SLFN12L: variants seen among roughly 807,000 people sequenced by gnomAD.
SLFN12L encodes schlafen family member 12 like, also known as schlafen family member 12-like.
A neutral mutation model predicts 34.8 loss-of-function variants in SLFN12L; 34 were observed. That is an observed-to-expected ratio of 0.98 (90% CI 0.74 to 1.30). The LOEUF (loss-of-function observed/expected upper bound fraction) is 1.30. Ranked by LOEUF, SLFN12L falls within the 50% of genes most tolerant of loss-of-function variation. The pLI is 0.00. For missense variants in SLFN12L, 703 were observed against 696.2 expected, an observed-to-expected ratio of 1.01 and a Z score of -0.11; for synonymous variants, 259 against 247.5, an observed-to-expected ratio of 1.05 and a Z score of -0.44.
chr17:35,523,508 T>C (rs59274713), intron 1 of SLFN12L, among the ~76,000 whole-genome samples: 1,604 of 152,274 alleles, frequency 0.011, 35 homozygotes, highest in African/African-American at 0.036. Context: ...TGAAGCTATC[T>C]CTCCTGAAGC....
chr17:35,522,283 T>C lies in SLFN12L; in HGVS notation c.82A>G (p.Ile28Val), dbSNP rs769682679. 53 of 1,614,026 alleles carry C rather than the reference T, an allele frequency of 3.3e-5. 1 individual carries two copies. In the Admixed American group the frequency reaches 8.8e-4, roughly 27 times the overall value. The change falls in exon 2 of 5, where the codon ATC becomes GTC. Residue 28 changes from isoleucine (I) to valine (V), a missense_variant. Transcript: ENST00000628453. ...ACATAAGGTCCAACTGCTTACCTGA[T>C]GAAATTCCTCAGAAACTGACTTTCA... ...ICESQFLRNF[I>V]RKEFLRGNGL...
rs1260194247 is a variant in SLFN12L, at chr17:35,465,931, A to G, written c.*8992T>C. ...ACACAATATACCTCTTGCAGGCTAC[A>G]CCTCAGTACCTTCACAATTTTGCCA... On this transcript the variant is annotated 3_prime_UTR_variant, in exon 5 of 5. Transcript: ENST00000628453. 6.6e-6 allele frequency among the ~76,000 whole-genome samples: 1 copy of G among 151,856 alleles called. No individual in the cohort carries two copies. The highest frequency in any genetic ancestry group is 2.4e-5 in the African/African-American group (1 of 41,314).
At chr17:35,498,898 T>A (rs1915193053) in intron 2 of SLFN12L, 3 of 694,584 alleles carry the variant, frequency 4.3e-6, no homozygotes. Flanking sequence ...GCCCCTGATA[T>A]GCCCAGCCCT....
In SLFN12L at chr17:35,474,208, G is replaced by T. The variant is rs551169397; in HGVS notation, c.*715C>A. On this transcript the variant is annotated 3_prime_UTR_variant, in exon 5 of 5. Coordinates refer to ENST00000628453, the MANE Select transcript of SLFN12L (RefSeq NM_001363830.2). ...ATTTTGATTCATCTCTTCATTGGCT[G>T]CATTTCATTGCAATATAGTTTTCAA... 1 of 152,190 alleles carries T rather than the reference G, an allele frequency of 6.6e-6. No homozygotes were observed. The highest frequency in any genetic ancestry group is 1.5e-5 in the Non-Finnish European group (1 of 68,040). 9.4% of individuals were successfully genotyped at this position (152,190 alleles called of 1,614,324 possible).
intron 2 of SLFN12L, chr17:35,489,955 T>C: frequency 5.7e-6 from 8 of 1,407,190 alleles, no homozygotes; most frequent in Non-Finnish European, 6.9e-6. Flanking sequence ...CAACCAGTCA[T>C]GATTTTTAAA....
chr17:35,482,863 G>C (rs1289835120), intron 2 of SLFN12L, among the ~76,000 whole-genome samples: 1 of 152,162 alleles, frequency 6.6e-6, no homozygotes, highest in East Asian at 1.9e-4. Context: ...GTGGGGACTT[G>C]TGGTGCCTCT....
Position 35,474,754 on chromosome 17 carries a change from T to A in SLFN12L, c.*169A>T. 1 of 526,492 alleles carries A rather than the reference T, an allele frequency of 1.9e-6. No homozygotes were observed. Among genetic ancestry groups the A allele is most frequent in the Non-Finnish European group, 3.1e-6 (1 of 321,432 alleles). 32.6% of individuals were successfully genotyped at this position (526,492 alleles called of 1,614,324 possible). A position where few individuals can be genotyped will look rare whatever the true frequency, so the allele number is the denominator to read the frequency against. On this transcript the variant is annotated 3_prime_UTR_variant, in exon 5 of 5. Transcript: ENST00000628453. ...GCCTGGCCAAGACGGTGAAACCCCA[T>A]CTCTGCTAAAAATACAAAAAAAAAA...
intron 2 of SLFN12L, chr17:35,487,621 C>T: frequency 8.1e-7 from 1 of 1,233,746 alleles, no homozygotes; most frequent in Non-Finnish European, 1.1e-6. Flanking sequence ...GTTAAACGCC[C>T]ACGTGAATAG....
chr17:35,481,297 T>C (rs991251117), intron 2 of SLFN12L, among the ~76,000 whole-genome samples: 3 of 152,176 alleles, frequency 2.0e-5, no homozygotes, highest in Non-Finnish European at 1.5e-5. Context: ...CACCACCTCT[T>C]GTGGAAGGCC....
intron 2 of SLFN12L, among the ~76,000 whole-genome samples, chr17:35,483,808 A>G (rs1291839594): frequency 6.6e-6 from 1 of 152,198 alleles, no homozygotes; most frequent in Non-Finnish European, 1.5e-5. Context: ...AAGGGCTATA[A>G]AGGGGTCAGA....
At chr17:35,530,494 A>AG (rs1567694377) in intron 1 of SLFN12L, among the ~76,000 whole-genome samples, 1 of 43,648 alleles carries the variant, frequency 2.3e-5, no homozygotes, top group African/African-American at 6.3e-5. Flanking sequence ...GAAAGAAAGA[A>AG]AGAAAGAAAG....
At position 35,468,513 on chromosome 17, in the gene SLFN12L, C is replaced by T. The variant is rs182479952; in HGVS notation, c.*6410G>A. ...AACACAAAAACCTTCACCCCAGTGA[C>T]ACCCATGGACTGCCTCTTCTCAGGC... On this transcript the variant is annotated 3_prime_UTR_variant, in exon 5 of 5. Coordinates refer to ENST00000628453, the MANE Select transcript of SLFN12L (RefSeq NM_001363830.2). 2.3e-4 allele frequency among the ~76,000 whole-genome samples: 35 copies of T among 152,310 alleles called. No individual in the cohort carries two copies. Among genetic ancestry groups the T allele is most frequent in the African/African-American group, 6.7e-4 (28 of 41,566 alleles).
chr17:35,479,281 A>G lies in SLFN12L; in HGVS notation c.1001T>C (p.Val334Ala). ...TINYLCKFLG[V>A]YDKGRLCGYV... ...TCCACAAAGCCTTCCTTTATCATAT[A>G]CTCCAAGGAATTTGCATAAGTAATT... Residue 334 changes from valine to alanine, a missense_variant, in exon 3 of 5, where the codon GTA (valine) becomes GCA (alanine). Physicochemically the swap from Val to Ala is moderately conservative, Grantham distance 64. Coordinates refer to ENST00000628453, the MANE Select transcript of SLFN12L (RefSeq NM_001363830.2). The G allele has an allele frequency of 6.3e-7, 1 of 1,590,906 alleles. No individual in the cohort carries two copies. The highest frequency in any genetic ancestry group is 8.6e-7 in the Non-Finnish European group (1 of 1,167,106).
At chr17:35,532,844 AATC>A (rs1334005994) in intron 1 of SLFN12L, among the ~76,000 whole-genome samples, 1 of 151,848 alleles carries the variant, frequency 6.6e-6, no homozygotes, top group African/African-American at 2.4e-5. Flanking sequence ...AGTGAACAAA[AATC>A]ATTCCACTGC....
At chr17:35,513,452 G>A (rs1430981360) in intron 2 of SLFN12L, among the ~76,000 whole-genome samples, 1 of 152,166 alleles carries the variant, frequency 6.6e-6, no homozygotes, top group Non-Finnish European at 1.5e-5. Flanking sequence ...AAAAGTCTTT[G>A]GGATCTCCCC....
At chr17:35,479,011 T>C in intron 3 of SLFN12L, 106 bp downstream of exon 3, 1 of 823,938 alleles carries the variant, frequency 1.2e-6, no homozygotes, top group South Asian at 1.9e-5. Context: ...ACCAGAGATG[T>C]TGAAATTTGA....
intron 2 of SLFN12L, chr17:35,498,514 TTGTC>T (rs1915179705): frequency 1.6e-6 from 2 of 1,229,764 alleles, no homozygotes; most frequent in South Asian, 2.4e-5. Context: ...TATCCTCTCT[TTGTC>T]TGCCTCCATC....
In SLFN12L at chr17:35,489,099, C is replaced by T. The variant is rs546169196; in HGVS notation, c.87-8904G>A. ...ACAAAACAAAACAAAAGTACATAGCCGTGCTTTTCTTCATTTCATCTGATT... is the reference window on the plus strand; with the variant it reads ...ACAAAACAAAACAAAAGTACATAGCTGTGCTTTTCTTCATTTCATCTGATT... On this transcript the variant is annotated intron_variant, in intron 2 of 4. Transcript: ENST00000628453. Among the ~76,000 whole-genome samples, 6 of 152,020 alleles carry T rather than the reference C, an allele frequency of 3.9e-5. No individual in the cohort carries two copies. The South Asian group carries it at 1.3e-3, about 32-fold the overall frequency.
At position 35,465,756 on chromosome 17, in the gene SLFN12L, C is replaced by T. The variant is rs1441591284; in HGVS notation, c.*9167G>A. Among the ~76,000 whole-genome samples the T allele has an allele frequency of 6.7e-6, 1 of 148,878 alleles. No homozygotes were observed. The highest frequency in any genetic ancestry group is 1.5e-5 in the Non-Finnish European group (1 of 67,474). ...GTCTTGTCGACTAGGGCCTCATAGC[C>T]AGTATCTAGTATGATTAACATTATT... On this transcript the variant is annotated 3_prime_UTR_variant, in exon 5 of 5. Transcript: ENST00000628453.
Sources: allele counts gnomAD v4.1 joint callset (sites outside exome capture counted in the v4.1 genomes callset), GRCh38; gene constraint gnomAD v4.1.1; transcripts MANE v1.5; gene names NCBI Gene and HGNC (gene_info 2026-07-23, HGNC 2026-07-21).